The following PPP2R2C variants were observed in gnomAD, a reference collection of about 807,000 sequenced individuals.
PPP2R2C encodes protein phosphatase 2, regulatory subunit B, gamma.
A neutral mutation model predicts 45.3 loss-of-function variants in PPP2R2C; 10 were observed. That is an observed-to-expected ratio of 0.22 (90% CI 0.14 to 0.37). PPP2R2C has a LOEUF of 0.37. Ranked by LOEUF, PPP2R2C falls within the 10% of genes least tolerant of loss-of-function variation. The pLI, the probability that PPP2R2C is intolerant of heterozygous loss-of-function variation, is 1.00. For synonymous variants in PPP2R2C, 257 were observed against 245.4 expected, an observed-to-expected ratio of 1.05 and a Z score of -0.44; for missense variants, 308 against 619.7, an observed-to-expected ratio of 0.50 and a Z score of 5.34.
intron 1 of PPP2R2C, among the ~76,000 whole-genome samples, chr4:6,427,127 T>C (rs961630103): frequency 2.0e-5 from 3 of 152,306 alleles, no homozygotes; most frequent in Admixed American, 6.5e-5. Flanking sequence ...CTCGAGGTCC[T>C]CCTGCTCACT....
intron 6 of PPP2R2C, among the ~76,000 whole-genome samples, chr4:6,343,362 T>C (rs1318537513): frequency 6.6e-6 from 1 of 152,204 alleles, no homozygotes; most frequent in Admixed American, 6.5e-5. Flanking sequence ...GATATTGAGT[T>C]TGATAATGAA....
chr4:6,511,875 G>A (rs1560594570), intron 2 of PPP2R2C, among the ~76,000 whole-genome samples: 3 of 119,646 alleles, frequency 2.5e-5, no homozygotes, highest in Admixed American at 8.1e-5. Context: ...TGGTGGTGGT[G>A]GTGGTGGTGG....
intron 1 of PPP2R2C, chr4:6,414,146 A>C: frequency 8.4e-7 from 1 of 1,196,512 alleles, no homozygotes; most frequent in Non-Finnish European, 1.1e-6. Flanking sequence ...ACATTGAAAG[A>C]AACAAAATAC....
intron 1 of PPP2R2C, chr4:6,383,681 C>A: frequency 1.7e-6 from 1 of 585,612 alleles, no homozygotes; most frequent in Non-Finnish European, 2.4e-6. Context: ...CCTGCCCCAA[C>A]CTAATCTGAT....
In PPP2R2C at chr4:6,323,229, A is replaced by G; in HGVS notation, c.*73T>C. Reference sequence around the variant, plus strand: ...GCTGTGACTTTCTTCCCCTCCTTGCATTGCGGTCGTGAAGGTCATGTCGGG... The same window carrying G: ...GCTGTGACTTTCTTCCCCTCCTTGCGTTGCGGTCGTGAAGGTCATGTCGGG... On this transcript the variant is annotated 3_prime_UTR_variant, in exon 9 of 9. Transcript: ENST00000382599. 6 of 1,503,326 alleles carry G rather than the reference A, an allele frequency of 4.0e-6. No homozygotes were observed. Among genetic ancestry groups the G allele is most frequent in the Non-Finnish European group, 4.5e-6 (5 of 1,106,300 alleles). The allele number at this position is 1,503,326 out of a possible 1,614,324, so 93.1% of individuals were successfully genotyped here.
At chr4:6,393,305 C>A (rs1035680703) in intron 1 of PPP2R2C, among the ~76,000 whole-genome samples, 2 of 152,198 alleles carry the variant, frequency 1.3e-5, no homozygotes, top group Non-Finnish European at 2.9e-5. Flanking sequence ...ATTTTGCCTA[C>A]TCTGGATATT....
At chr4:6,554,973 G>GA (rs57712968) in intron 1 of PPP2R2C, among the ~76,000 whole-genome samples, 2 of 120,948 alleles carry the variant, frequency 1.7e-5, no homozygotes. Context: ...GAAAGAGAAA[G>GA]AAAGAAAAGA....
chr4:6,440,107 G>T (rs1720079556), intron 1 of PPP2R2C, among the ~76,000 whole-genome samples: 1 of 152,088 alleles, frequency 6.6e-6, no homozygotes, highest in Non-Finnish European at 1.5e-5. Context: ...TTGTCAAAAT[G>T]ACATTATGGT....
At chr4:6,386,830 G>A (rs2109324593) in intron 1 of PPP2R2C, among the ~76,000 whole-genome samples, 1 of 152,270 alleles carries the variant, frequency 6.6e-6, no homozygotes, top group East Asian at 1.9e-4. Flanking sequence ...TGTGTTAAAA[G>A]ACGTAAAGAA....
intron 1 of PPP2R2C, among the ~76,000 whole-genome samples, chr4:6,457,207 CA>C (rs34145628): frequency 0.24 from 20,812 of 88,246 alleles, 1,429 homozygotes; most frequent in East Asian, 0.42. Flanking sequence ...GACTCCATCT[CA>C]AAAAAAAAAA....
Position 6,347,829 on chromosome 4 carries a change from CA to C in PPP2R2C, c.790+16del, listed in dbSNP as rs772026397. The C allele has an allele frequency of 1.9e-5, 30 of 1,597,074 alleles. No homozygotes were observed. In the African/African-American group the frequency reaches 3.3e-4, roughly 18 times the overall value. On this transcript the variant is annotated intron_variant, in intron 6 of 8. Transcript: ENST00000382599. ...TGCCCAATGCACAGCCCCCCACCCCCAGGCACCGGCACTTACGCTTGGAATG... is the reference window on the plus strand; with the variant it reads ...TGCCCAATGCACAGCCCCCCACCCCCGGCACCGGCACTTACGCTTGGAATG...
intron 1 of PPP2R2C, among the ~76,000 whole-genome samples, chr4:6,440,275 A>G (rs1720089020): frequency 6.6e-6 from 1 of 152,252 alleles, no homozygotes; most frequent in Non-Finnish European, 1.5e-5. Context: ...TGTTGCATGA[A>G]TTCATTTTCT....
intron 2 of PPP2R2C, among the ~76,000 whole-genome samples, chr4:6,501,357 G>A: frequency 6.6e-6 from 1 of 152,116 alleles, no homozygotes; most frequent in East Asian, 1.9e-4. Context: ...CAGGGATGGA[G>A]CAGATACCAA....
chr4:6,425,927 T>C (rs867951389), intron 1 of PPP2R2C, among the ~76,000 whole-genome samples: 1 of 152,008 alleles, frequency 6.6e-6, no homozygotes, highest in South Asian at 2.1e-4. Context: ...TGCATGTGCA[T>C]GTGTGTTGCG....
At chr4:6,521,775 A>C (rs1724034963) in intron 2 of PPP2R2C, among the ~76,000 whole-genome samples, 1 of 152,168 alleles carries the variant, frequency 6.6e-6, no homozygotes, top group African/African-American at 2.4e-5. Flanking sequence ...CCCATTTGTG[A>C]GCATTTACTA....
chr4:6,416,559 C>G (rs185639148), intron 1 of PPP2R2C, among the ~76,000 whole-genome samples: 18 of 152,306 alleles, frequency 1.2e-4, no homozygotes, highest in Admixed American at 1.0e-3. Flanking sequence ...CAGCTGTGAC[C>G]CCCGGGGTGA....
chr4:6,427,977 A>G (rs1292391628), intron 1 of PPP2R2C, among the ~76,000 whole-genome samples: 2 of 152,182 alleles, frequency 1.3e-5, no homozygotes, highest in African/African-American at 4.8e-5. Context: ...TGTTTTGTCA[A>G]TGAGGGAACG....
At chr4:6,462,983 T>C (rs1034555658) in intron 1 of PPP2R2C, among the ~76,000 whole-genome samples, 1 of 152,184 alleles carries the variant, frequency 6.6e-6, no homozygotes, top group Non-Finnish European at 1.5e-5. Context: ...GGGAGCGGCA[T>C]CTCTCCCTTC....
At position 6,329,322 on chromosome 4, in the gene PPP2R2C, G is replaced by A; in HGVS notation, c.992C>T (p.Ser331Phe). The part of the protein sequence containing the change: ...VHDYLRSKLC[S>F]LYENDCIFDK... The stretch of plus-strand genomic sequence containing the variant: ...GAAAATGCAGTCGTTCTCGTACAGG[G>A]AACAGAGCTTGCTCCGAAGGTAGTC... The change falls in exon 8 of 9, where the codon TCC (serine) becomes TTC (phenylalanine). Residue 331 changes from serine (S) to phenylalanine (F), a missense_variant. Physicochemically the swap from Ser to Phe is radical, Grantham distance 155. Coordinates refer to ENST00000382599, the MANE Select transcript of PPP2R2C (RefSeq NM_020416.4). The surrounding 1 kb of genome is among the most constrained non-coding windows in gnomAD (Gnocchi z 5.8). 1 of 1,614,198 alleles carries A rather than the reference G, an allele frequency of 6.2e-7. No homozygotes were observed. The highest frequency in any genetic ancestry group is 8.5e-7 in the Non-Finnish European group (1 of 1,180,016).
Sources: allele counts gnomAD v4.1 joint callset (sites outside exome capture counted in the v4.1 genomes callset), GRCh38; gene constraint gnomAD v4.1.1; non-coding constraint Gnocchi (gnomAD v3.1); transcripts MANE v1.5; gene names NCBI Gene and HGNC (gene_info 2026-07-23, HGNC 2026-07-21).